ATP13A4: variants seen among roughly 807,000 people sequenced by gnomAD.
ATP13A4 encodes the protein probable cation-transporting ATPase 13A4.
ATP13A4 carries 114 observed loss-of-function variants against 142.5 expected under a neutral mutation model. The ratio of observed to expected loss-of-function variants is 0.80; its 90% CI spans 0.69 to 0.93. The LOEUF (loss-of-function observed/expected upper bound fraction) is 0.93, where lower values mean the gene tolerates loss of function less well. Ranked by LOEUF, ATP13A4 falls within the 40% of genes least tolerant of loss-of-function variation. ATP13A4 has a pLI of 0.00. For missense variants in ATP13A4, 1,392 were observed against 1,454.0 expected (o/e 0.96, Z 0.69); for synonymous variants, 488 against 514.8 (o/e 0.95, Z 0.70).
At chr3:193,570,498 T>C (rs564696650) in intron 2 of ATP13A4, among the ~76,000 whole-genome samples, 14 of 152,300 alleles carry the variant, frequency 9.2e-5, no homozygotes, top group African/African-American at 3.4e-4. Context: ...AAAATCTCAA[T>C]GCATTTTTAT....
chr3:193,464,907 A>T (rs71314500), intron 12 of ATP13A4, 33 bp downstream of exon 12: 1 of 1,601,750 alleles, frequency 6.2e-7, no homozygotes. Context: ...AATGGTAAAA[A>T]TGATGATAAG....
chr3:193,457,091 C>T lies in ATP13A4; in HGVS notation c.1824G>A (p.Met608Ile). 3 of 1,613,950 alleles carry T rather than the reference C, an allele frequency of 1.9e-6. No homozygotes were observed. The highest frequency in any genetic ancestry group is 1.1e-5 in the South Asian group (1 of 91,066). Residue 608 changes from methionine to isoleucine, a missense_variant, in exon 16 of 30, where the codon ATG becomes ATA. Transcript: ENST00000342695. ...QFPFSSALQR[M>I]TVIVQEMGGD... is the part of the protein sequence containing the mutation. ...CTCCCATCTCTTGGACAATGACTGT[C>T]ATTCTTTGCAGTGCCGATGAGAATG...
At chr3:193,529,275 A>C (rs575168303) in intron 1 of ATP13A4, among the ~76,000 whole-genome samples, 163 of 152,064 alleles carry the variant, frequency 1.1e-3, no homozygotes, top group Middle Eastern at 6.8e-3. Context: ...GTCTCCAAAA[A>C]AAAAAAAATT....
Position 193,440,752 on chromosome 3 carries a change from A to T in ATP13A4, c.2440-115T>A, listed in dbSNP as rs564582880. On this transcript the variant is annotated intron_variant, in intron 20 of 29. Transcript: ENST00000342695. ...TGACACTTACGATGAAGAAAAAAAAAAGTTTCCAATGAGCCTTCCTTTGGA... is the reference window on the plus strand; with the variant it reads ...TGACACTTACGATGAAGAAAAAAAATAGTTTCCAATGAGCCTTCCTTTGGA... 3.6e-5 allele frequency: 42 copies of T among 1,160,746 alleles called. No individual in the cohort carries two copies. In the South Asian group the frequency reaches 5.4e-4, roughly 15 times the overall value. The allele number at this position is 1,160,746 out of a possible 1,614,324, so 71.9% of individuals were successfully genotyped here.
At chr3:193,535,552 A>T (rs759956460) in intron 1 of ATP13A4, among the ~76,000 whole-genome samples, 10 of 152,184 alleles carry the variant, frequency 6.6e-5, no homozygotes, top group Non-Finnish European at 1.3e-4. Flanking sequence ...CTGAAACTGA[A>T]ATTTTTAGCA....
At position 193,401,026 on chromosome 3, in the gene ATP13A4, G is replaced by C. The variant is rs982792401; in HGVS notation, c.*1626C>G. ...CTATTTTAAAACCAGAAGTAACAGGGTACCCTCATGGCTGGGAGACACCAT... is the reference window on the plus strand; with the variant it reads ...CTATTTTAAAACCAGAAGTAACAGGCTACCCTCATGGCTGGGAGACACCAT... On this transcript the variant is annotated 3_prime_UTR_variant, in exon 30 of 30. Transcript: ENST00000342695. Among the ~76,000 whole-genome samples, 4 of 152,156 alleles carry C rather than the reference G, an allele frequency of 2.6e-5. No individual in the cohort carries two copies. The highest frequency in any genetic ancestry group is 9.7e-5 in the African/African-American group (4 of 41,434).
chr3:193,479,313 A>G (rs2108655027), intron 8 of ATP13A4, among the ~76,000 whole-genome samples: 1 of 152,308 alleles, frequency 6.6e-6, no homozygotes, highest in South Asian at 2.1e-4. Context: ...AAATCAGTAA[A>G]GAGGAAGTCA....
chr3:193,579,647 G>A (rs778843179), intron 2 of ATP13A4, among the ~76,000 whole-genome samples: 4 of 152,050 alleles, frequency 2.6e-5, no homozygotes, highest in Non-Finnish European at 5.9e-5. Flanking sequence ...CAGGATGTGG[G>A]GAGAAATGAA....
intron 18 of ATP13A4, among the ~76,000 whole-genome samples, chr3:193,446,755 A>C (rs569457491): frequency 6.6e-6 from 1 of 152,356 alleles, no homozygotes; most frequent in South Asian, 2.1e-4. Flanking sequence ...TAATGAAATA[A>C]GGGAAACACA....
chr3:193,406,488 C>T (rs1714504061), intron 29 of ATP13A4, among the ~76,000 whole-genome samples: 1 of 152,200 alleles, frequency 6.6e-6, no homozygotes. Flanking sequence ...TTCAGGGCAC[C>T]CCTGCCTACC....
chr3:193,523,128 C>A (rs953857431), intron 1 of ATP13A4, among the ~76,000 whole-genome samples: 3 of 152,030 alleles, frequency 2.0e-5, no homozygotes, highest in Admixed American at 6.6e-5. Flanking sequence ...CAAGGTGAAA[C>A]CCCGTCTCTA....
intron 2 of ATP13A4, among the ~76,000 whole-genome samples, chr3:193,579,732 C>G (rs75955613): frequency 6.6e-6 from 1 of 151,694 alleles, no homozygotes. Flanking sequence ...TTGGAAGCCA[C>G]GTTTCAGATG....
intron 1 of ATP13A4, among the ~76,000 whole-genome samples, chr3:193,585,898 A>C (rs1026458458): frequency 6.6e-6 from 1 of 152,154 alleles, no homozygotes; most frequent in Non-Finnish European, 1.5e-5. Flanking sequence ...TAACTTTATA[A>C]GAAAATGCCA....
At chr3:193,591,398 T>C (rs970049928) in intron 1 of ATP13A4, among the ~76,000 whole-genome samples, 1 of 152,264 alleles carries the variant, frequency 6.6e-6, no homozygotes, top group Non-Finnish European at 1.5e-5. Flanking sequence ...AAAACAGGTC[T>C]GTGGGCTGAA....
intron 2 of ATP13A4, 76 bp from the exon 3 acceptor site, chr3:193,502,715 T>C (rs776469860): frequency 7.1e-7 from 1 of 1,413,330 alleles, no homozygotes; most frequent in Non-Finnish European, 1.0e-6. Flanking sequence ...AGAAACATCA[T>C]TTTAATATAA....
intron 29 of ATP13A4, among the ~76,000 whole-genome samples, chr3:193,403,514 C>T (rs1714350868): frequency 6.6e-6 from 1 of 152,184 alleles, no homozygotes; most frequent in Admixed American, 6.5e-5. Context: ...GGGCATAGCT[C>T]TCTCCCTTTG....
chr3:193,483,525 C>G (rs184955902), intron 8 of ATP13A4, among the ~76,000 whole-genome samples: 398 of 152,208 alleles, frequency 2.6e-3, no homozygotes, highest in Non-Finnish European at 3.6e-3. Flanking sequence ...AGTACAGTGG[C>G]GCGATCTCGG....
rs141970743 is a variant in ATP13A4 at position 193,401,215 on chromosome 3, C to T, written c.*1437G>A. 1.5e-3 allele frequency among the ~76,000 whole-genome samples: 221 copies of T among 152,284 alleles called. No individual in the cohort carries two copies. The highest frequency in any genetic ancestry group is 5.1e-3 in the African/African-American group (213 of 41,560). ...CACCTAGGATTTGATGCTCATAATACAAATTTTGCTTTTGCCTTAAAATAT... is the reference window on the plus strand; with the variant it reads ...CACCTAGGATTTGATGCTCATAATATAAATTTTGCTTTTGCCTTAAAATAT... On this transcript the variant is annotated 3_prime_UTR_variant, in exon 30 of 30. Transcript: ENST00000342695.
chr3:193,503,027 C>T (rs775060327), intron 2 of ATP13A4, among the ~76,000 whole-genome samples: 3 of 149,662 alleles, frequency 2.0e-5, no homozygotes, highest in Admixed American at 6.6e-5. Flanking sequence ...ACCCTTCCAC[C>T]GGGGCGGGGC....
Sources: allele counts gnomAD v4.1 joint callset (sites outside exome capture counted in the v4.1 genomes callset), GRCh38; gene constraint gnomAD v4.1.1; transcripts MANE v1.5; gene names NCBI Gene and HGNC (gene_info 2026-07-23, HGNC 2026-07-21).